The following RASA2 variants were observed in gnomAD, a reference collection of about 807,000 sequenced individuals.
The protein encoded by RASA2 is RAS p21 protein activator 2.
A neutral mutation model predicts 118.2 loss-of-function variants in RASA2; 155 were observed. That is an observed-to-expected ratio of 1.31 (90% CI 1.15 to 1.50). The LOEUF (loss-of-function observed/expected upper bound fraction) is 1.50, where lower values mean the gene tolerates loss of function less well. RASA2 is among the 40% of genes most tolerant of loss of function. The pLI is 0.00. For synonymous variants in RASA2, 353 were observed against 349.1 expected, an observed-to-expected ratio of 1.01 and a Z score of -0.12; for missense variants, 1,016 against 1,009.6, an observed-to-expected ratio of 1.01 and a Z score of -0.09.
At chr3:141,536,805 T>A (rs1227931701) in intron 4 of RASA2, among the ~76,000 whole-genome samples, 2 of 148,600 alleles carry the variant, frequency 1.3e-5, no homozygotes, top group African/African-American at 5.0e-5. Flanking sequence ...TGGAGTGCAA[T>A]GGTGTGATCT....
chr3:141,545,505 A>G (rs978814060), intron 5 of RASA2, among the ~76,000 whole-genome samples: 2 of 132,686 alleles, frequency 1.5e-5, no homozygotes, highest in South Asian at 2.3e-4. Flanking sequence ...CACTCTGTCG[A>G]CCAGGCTGGG....
At chr3:141,566,763 C>T (rs551422305) in intron 9 of RASA2, among the ~76,000 whole-genome samples, 1 of 152,094 alleles carries the variant, frequency 6.6e-6, no homozygotes, top group African/African-American at 2.4e-5. Flanking sequence ...TTGGCATTGC[C>T]TTTAGATAGA....
At chr3:141,561,684 C>G (rs951644929) in intron 9 of RASA2, among the ~76,000 whole-genome samples, 1 of 152,036 alleles carries the variant, frequency 6.6e-6, no homozygotes, top group Admixed American at 6.6e-5. Context: ...ATTTATTTAC[C>G]CTCAGGATTT....
At chr3:141,568,167 C>T (rs2082852204) in intron 9 of RASA2, among the ~76,000 whole-genome samples, 1 of 152,038 alleles carries the variant, frequency 6.6e-6, no homozygotes, top group Non-Finnish European at 1.5e-5. Context: ...TTAAAGAACT[C>T]GAGTCCATTC....
Position 141,612,442 on chromosome 3 carries a change from A to G in RASA2, c.*129A>G, listed in dbSNP as rs1180018493. On this transcript the variant is annotated 3_prime_UTR_variant, in exon 24 of 24. Transcript: ENST00000286364. The stretch of plus-strand genomic sequence containing the variant: ...TCAATGTCATCTGCCTCCACATTGT[A>G]TTTAATATTTAATAATTGAAATTAA... 3.7e-5 allele frequency: 24 copies of G among 640,160 alleles called. No homozygotes were observed. Among genetic ancestry groups the G allele is most frequent in the Non-Finnish European group, 2.6e-6 (1 of 388,180 alleles). The allele number at this position is 640,160 out of a possible 1,614,324, so 39.7% of individuals were successfully genotyped here. A position where few individuals can be genotyped will look rare whatever the true frequency, so the allele number is the denominator to read the frequency against.
chr3:141,547,105 GT>G (rs1388221690), intron 5 of RASA2, among the ~76,000 whole-genome samples: 1 of 152,074 alleles, frequency 6.6e-6, no homozygotes, highest in East Asian at 1.9e-4. Flanking sequence ...TTATAGCTCT[GT>G]AGTATAATTT....
chr3:141,603,922 T>TTTTTA (rs2083506642), intron 19 of RASA2, among the ~76,000 whole-genome samples: 1 of 152,240 alleles, frequency 6.6e-6, no homozygotes, highest in Non-Finnish European at 1.5e-5. Flanking sequence ...CAGTACTTTA[T>TTTTTA]TTTCATGGCT....
intron 5 of RASA2, 117 bp downstream of exon 5, chr3:141,540,726 CTA>C: frequency 1.3e-6 from 1 of 773,280 alleles, no homozygotes; most frequent in South Asian, 1.8e-5. Context: ...TGAAATTCTG[CTA>C]TGTCATTCCT....
chr3:141,529,797 G>A lies in RASA2; in HGVS notation c.445G>A (p.Val149Ile), dbSNP rs1394280019. 3 of 1,599,224 alleles carry A rather than the reference G, an allele frequency of 1.9e-6. No homozygotes were observed. Among genetic ancestry groups the A allele is most frequent in the South Asian group, 1.1e-5 (1 of 90,618 alleles). ...SLQPVDSNSE[V>I]QGKVHLELKL... ...ACAGCCTGTTGACTCCAATTCAGAG[G>A]TTCAGGTAAATATTAAGGCTTATGT... The change falls in exon 4 of 24, where the codon GTT (valine) becomes ATT (isoleucine). Residue 149 changes from valine (V) to isoleucine (I), a missense_variant. Physicochemically the swap from Val to Ile is conservative, Grantham distance 29 (BLOSUM62 3). Transcript: ENST00000286364.
At chr3:141,566,205 A>G (rs754871086) in intron 9 of RASA2, among the ~76,000 whole-genome samples, 7 of 152,266 alleles carry the variant, frequency 4.6e-5, no homozygotes, top group Non-Finnish European at 8.8e-5. Flanking sequence ...TTGATGATTA[A>G]TGGCTCTAAG....
At chr3:141,550,799 G>A (rs2151111439) in intron 5 of RASA2, among the ~76,000 whole-genome samples, 1 of 152,296 alleles carries the variant, frequency 6.6e-6, no homozygotes, top group Admixed American at 6.5e-5. Flanking sequence ...GGAGCTTGCG[G>A]GGAGCCGAGA....
intron 3 of RASA2, among the ~76,000 whole-genome samples, chr3:141,519,837 C>T (rs904585916): frequency 2.6e-5 from 4 of 152,020 alleles, no homozygotes; most frequent in East Asian, 3.9e-4. Flanking sequence ...ATCAGAGAGG[C>T]AGACTTCTAG....
At chr3:141,541,532 A>G (rs1441827470) in intron 5 of RASA2, among the ~76,000 whole-genome samples, 1 of 152,110 alleles carries the variant, frequency 6.6e-6, no homozygotes, top group African/African-American at 2.4e-5. Context: ...ATTATCTTAA[A>G]TAACTCCAGT....
At chr3:141,600,390 C>A in intron 19 of RASA2, 3 of 484,436 alleles carry the variant, frequency 6.2e-6, no homozygotes, top group South Asian at 4.7e-5. Context: ...GTCTTCTGCT[C>A]AATGTTCAAG....
intron 3 of RASA2, among the ~76,000 whole-genome samples, chr3:141,529,106 T>C (rs773461511): frequency 3.0e-4 from 45 of 152,174 alleles, no homozygotes; most frequent in African/African-American, 9.4e-4. Context: ...TTAAACTCTT[T>C]AGAGAACTGC....
intron 15 of RASA2, 105 bp downstream of exon 15, chr3:141,577,211 C>G: frequency 1.2e-6 from 1 of 821,714 alleles, no homozygotes; most frequent in Non-Finnish European, 1.8e-6. Context: ...TTTCTTATAA[C>G]TGATACTTAA....
chr3:141,562,995 C>T (rs117519428), intron 9 of RASA2, among the ~76,000 whole-genome samples: 2,255 of 152,242 alleles, frequency 0.015, 22 homozygotes, highest in South Asian at 0.052. Flanking sequence ...AATAGAACTG[C>T]TTCTTTATTC....
chr3:141,494,560 G>C (rs1352808205), intron 1 of RASA2, among the ~76,000 whole-genome samples: 9 of 152,034 alleles, frequency 5.9e-5, no homozygotes, highest in African/African-American at 2.2e-4. Flanking sequence ...GTAGAGACGG[G>C]GTTTCACCAT....
intron 9 of RASA2, among the ~76,000 whole-genome samples, chr3:141,564,546 C>G (rs2082787997): frequency 6.6e-6 from 1 of 152,146 alleles, no homozygotes; most frequent in African/African-American, 2.4e-5. Flanking sequence ...GTAGGGGATT[C>G]TGGTCCAGAA....
Sources: gnomAD v4.1 joint callset for allele counts (sites outside exome capture counted in the v4.1 genomes callset) on GRCh38, gnomAD v4.1.1 for gene constraint, MANE v1.5 for transcripts, NCBI Gene and HGNC (gene_info 2026-07-23, HGNC 2026-07-21) for gene names.